Variants in STAG2 observed in about 807,000 individuals in gnomAD.
STAG2 encodes the protein STAG2 cohesin complex component.
A neutral mutation model predicts 108.1 loss-of-function variants in STAG2; 14 were observed. That is an observed-to-expected ratio of 0.13 (90% confidence interval 0.09 to 0.20). The LOEUF (loss-of-function observed/expected upper bound fraction) is 0.20, where lower values mean the gene tolerates loss of function less well. Ranked by LOEUF, STAG2 falls within the 10% of genes least tolerant of loss-of-function variation. STAG2 has a pLI of 1.00. For synonymous variants in STAG2, 307 were observed against 302.7 expected (o/e 1.01, Z -0.15); for missense variants, 440 against 940.9 (o/e 0.47, Z 6.96).
chrX:124,036,588 T>C (rs1293585408), intron 5 of STAG2, among the ~76,000 whole-genome samples: 1 of 110,992 alleles, frequency 9.0e-6, no homozygotes, highest in Admixed American at 9.6e-5. Flanking sequence ...TTTCACCATG[T>C]TGGCCTCTCG....
chrX:123,978,703 GA>G (rs2054741657), intron 1 of STAG2, among the ~76,000 whole-genome samples: 1 of 111,593 alleles, frequency 9.0e-6, no homozygotes, highest in African/African-American at 3.3e-5. Flanking sequence ...TCCAAAATCT[GA>G]AACCTTTTAA....
intron 4 of STAG2, among the ~76,000 whole-genome samples, chrX:124,028,812 A>G (rs2057198455): frequency 1.1e-5 from 1 of 89,102 alleles, no homozygotes; most frequent in African/African-American, 4.3e-5. Context: ...ATATATATAT[A>G]TATATATATA....
intron 1 of STAG2, chrX:124,003,798 G>A (rs1367116462): frequency 1.8e-5 from 2 of 111,377 alleles, no homozygotes; most frequent in Non-Finnish European, 3.8e-5. Flanking sequence ...TCAAATTAAG[G>A]TGTTAATTTA....
At chrX:123,999,085 A>C (rs1213919448) in intron 1 of STAG2, among the ~76,000 whole-genome samples, 2 of 112,064 alleles carry the variant, frequency 1.8e-5, no homozygotes, top group Admixed American at 1.9e-4. Flanking sequence ...GGTGACAGTG[A>C]GACTCTGTCT....
intron 1 of STAG2, among the ~76,000 whole-genome samples, chrX:124,016,811 A>C (rs1357940624): frequency 2.7e-5 from 3 of 111,750 alleles, no homozygotes; most frequent in Non-Finnish European, 5.6e-5. Flanking sequence ...TACAAAATAC[A>C]CAAAAATTAG....
chrX:124,039,531 C>A (rs1360536271), intron 6 of STAG2, among the ~76,000 whole-genome samples: 1 of 110,509 alleles, frequency 9.0e-6, no homozygotes, highest in Non-Finnish European at 1.9e-5. Flanking sequence ...GTTGTCCCAC[C>A]TCAGCCTCCA....
At chrX:123,979,580 T>G (rs1252772918) in intron 1 of STAG2, among the ~76,000 whole-genome samples, 1 of 111,546 alleles carries the variant, frequency 9.0e-6, no homozygotes, top group Non-Finnish European at 1.9e-5. Flanking sequence ...GGGCCTGTTT[T>G]GGGTGGGGGT....
chrX:124,005,453 C>T (rs1395980810), intron 1 of STAG2, among the ~76,000 whole-genome samples: 2 of 111,568 alleles, frequency 1.8e-5, no homozygotes, highest in Non-Finnish European at 3.8e-5. Flanking sequence ...GTTACACTCA[C>T]TCCCCCACCC....
At chrX:124,061,422 AGTT>A (rs1170220533) in intron 16 of STAG2, 81 bp downstream of exon 16, 6 of 694,972 alleles carry the variant, frequency 8.6e-6, no homozygotes, top group Non-Finnish European at 1.3e-5. Flanking sequence ...TTGTCCTTTT[AGTT>A]TTAAGACAAT....
Position 123,983,974 on chromosome X carries a change from C to T in STAG2, c.-163+22118C>T, listed in dbSNP as rs372809280. Among the ~76,000 whole-genome samples, 147 of 61,429 alleles carry T rather than the reference C, an allele frequency of 2.4e-3. 2 individuals carry two copies. The highest frequency in any genetic ancestry group is 0.012 in the African/African-American group (130 of 10,958). The allele number at this position is 61,429 out of a possible 115,157, so 53.3% of individuals were successfully genotyped here. ...AAAAAGAATAATTTTCTTTTCTTTT[C>T]TTTTTTTTTTTTTTTTTTTTTGAGA... is the stretch of plus-strand genomic sequence containing the variant. On this transcript the variant is annotated intron_variant, in intron 1 of 34. Coordinates refer to ENST00000371145, the MANE Select transcript of STAG2 (RefSeq NM_001042750.2).
At chrX:123,972,759 C>G (rs1205207538) in intron 1 of STAG2, among the ~76,000 whole-genome samples, 2 of 100,980 alleles carry the variant, frequency 2.0e-5, no homozygotes, top group Non-Finnish European at 4.0e-5. Flanking sequence ...TGGCTCATGC[C>G]TGTATTCCCA....
intron 34 of STAG2, among the ~76,000 whole-genome samples, chrX:124,100,082 T>C (rs1376829027): frequency 8.9e-6 from 1 of 111,924 alleles, no homozygotes; most frequent in Non-Finnish European, 1.9e-5. Flanking sequence ...GCTTCTTGCT[T>C]TCTACATACT....
At chrX:123,987,215 CT>C (rs1426791172) in intron 1 of STAG2, among the ~76,000 whole-genome samples, 1 of 109,754 alleles carries the variant, frequency 9.1e-6, no homozygotes, top group Non-Finnish European at 1.9e-5. Flanking sequence ...TGATCTCGAA[CT>C]CCTGACCTCG....
chrX:124,018,594 G>A (rs2056816103), intron 1 of STAG2, among the ~76,000 whole-genome samples: 1 of 110,793 alleles, frequency 9.0e-6, no homozygotes, highest in African/African-American at 3.3e-5. Flanking sequence ...TCTACCTCCT[G>A]GGCTCAAGCA....
At chrX:124,051,465 C>A in intron 13 of STAG2, 71 bp downstream of exon 13, 1 of 840,519 alleles carries the variant, frequency 1.2e-6, no homozygotes, top group South Asian at 3.0e-5. Flanking sequence ...GTATTTGGTT[C>A]AGACTCATCT....
chrX:124,009,431 G>GATAGA (rs1569501865), intron 1 of STAG2, among the ~76,000 whole-genome samples: 315 of 53,866 alleles, frequency 5.8e-3, no homozygotes, highest in East Asian at 0.012. Flanking sequence ...AGGTAGGTAG[G>GATAGA]TAGGTAGGTA....
At chrX:124,069,374 A>G (rs942055631) in intron 24 of STAG2, among the ~76,000 whole-genome samples, 1 of 112,025 alleles carries the variant, frequency 8.9e-6, no homozygotes, top group African/African-American at 3.2e-5. Flanking sequence ...AAGGTTTGCA[A>G]CCATTTCATA....
intron 1 of STAG2, among the ~76,000 whole-genome samples, chrX:124,000,717 T>G (rs1281446010): frequency 9.0e-6 from 1 of 111,321 alleles, no homozygotes; most frequent in African/African-American, 3.3e-5. Context: ...TAAAACAGTC[T>G]TAGGTCCTTC....
intron 26 of STAG2, 94 bp from the exon 27 acceptor site, chrX:124,077,863 C>A: frequency 2.0e-6 from 1 of 508,783 alleles, no homozygotes; most frequent in Non-Finnish European, 3.1e-6. Context: ...TAAATACATA[C>A]TTTGTGACGT....
Sources: gnomAD v4.1 joint callset for allele counts (sites outside exome capture counted in the v4.1 genomes callset) on GRCh38, gnomAD v4.1.1 for gene constraint, MANE v1.5 for transcripts, NCBI Gene and HGNC (gene_info 2026-07-23, HGNC 2026-07-21) for gene names.